The following RBM12B variants were observed in gnomAD, a reference collection of about 807,000 sequenced individuals.
The protein encoded by RBM12B is RNA-binding protein 12B.
Under a neutral mutation model 34.3 loss-of-function variants are expected in RBM12B, and 10 were observed. The observed-to-expected ratio is 0.29, with a 90% CI of 0.18 to 0.49. RBM12B has a LOEUF of 0.49. RBM12B is among the 20% of genes least tolerant of loss of function. The pLI is 0.99. For missense variants in RBM12B, 1,139 were observed against 1,262.7 expected, an observed-to-expected ratio of 0.90 and a Z score of 1.48; for synonymous variants, 477 against 437.1, an observed-to-expected ratio of 1.09 and a Z score of -1.14.
chr8:93,735,663 A>C lies in RBM12B; in HGVS notation c.748T>G (p.Ser250Ala). The change falls in exon 4 of 4, where the codon TCT (serine) becomes GCT (alanine). Residue 250 changes from serine to alanine, a missense_variant. Ser to Ala is a moderately conservative substitution (Grantham distance 99). This residue lies in a region of RBM12B where 863 missense variants were observed against 869.5 expected (regional missense o/e 0.99). Transcript: ENST00000520560. ...AVKEGDVLRR[S>A]EEHSPPRGIN... The stretch of plus-strand genomic sequence containing the variant: ...CCTCTTGGTGGAGAATGTTCTTCAG[A>C]TCTCCTAAGAACGTCACCCTCCTTA... The C allele has an allele frequency of 1.2e-6, 2 of 1,614,060 alleles. No homozygotes were observed. The highest frequency in any genetic ancestry group is 1.3e-5 in the African/African-American group (1 of 75,012).
rs201265625 is a variant in RBM12B, at chr8:93,734,591, G to A, written c.1820C>T (p.Pro607Leu). Residue 607 changes from proline (P) to leucine (L), a missense_variant, in exon 4 of 4, where the codon CCG (proline) becomes CTG (leucine). Coordinates refer to ENST00000520560, the MANE Select transcript of RBM12B (RefSeq NM_001377960.1). ...CCTAGGGTGCCTGAAGTCATCCTCC[G>A]GAGGGCGCCTGAAATCTTCCTCCCA... Reference protein sequence around the residue: ...RPWEEDFRRPPEDDFRHPREE... With the variant: ...RPWEEDFRRPLEDDFRHPREE... 1.7e-4 allele frequency: 270 copies of A among 1,612,978 alleles called. No individual in the cohort carries two copies. Among genetic ancestry groups the A allele is most frequent in the Non-Finnish European group, 2.0e-4 (238 of 1,179,692 alleles).
chr8:93,730,719 G>A lies in RBM12B; in HGVS notation c.*2686C>T, dbSNP rs989511145. ...AATTTGTTATTGACATATCACTAAA[G>A]GCAGAGTTGGAGAGAGATGTGCAAA... On this transcript the variant is annotated 3_prime_UTR_variant, in exon 4 of 4. Transcript: ENST00000520560. 6.7e-6 allele frequency: 1 copy of A among 150,156 alleles called. No individual in the cohort carries two copies. The highest frequency in any genetic ancestry group is 1.5e-5 in the Non-Finnish European group (1 of 67,482). The allele number at this position is 150,156 out of a possible 1,614,324, so 9.3% of individuals were successfully genotyped here.
In RBM12B at chr8:93,735,592, G is replaced by A; in HGVS notation, c.819C>T (p.Pro273=). 6.2e-7 allele frequency: 1 copy of A among 1,614,040 alleles called. No homozygotes were observed. The highest frequency in any genetic ancestry group is 1.1e-5 in the South Asian group (1 of 91,080). ...HFRKRSHSKS[P]RRTRSRSPLG... Reference sequence around the variant, plus strand: ...GAGGGGAACGAGAACGTGTTCTTCTGGGAGATTTTGAATGAGACCGTTTTC... The same window carrying A: ...GAGGGGAACGAGAACGTGTTCTTCTAGGAGATTTTGAATGAGACCGTTTTC... The change falls in exon 4 of 4, where the codon CCC becomes CCT. Residue 273 remains proline (P), a synonymous_variant. Transcript: ENST00000520560.
chr8:93,735,312 T>C lies in RBM12B; in HGVS notation c.1099A>G (p.Ile367Val), dbSNP rs970700951. The change falls in exon 4 of 4, where the codon ATT (isoleucine) becomes GTT (valine). Residue 367 changes from isoleucine (I) to valine (V), a missense_variant. Ile to Val is a conservative substitution (Grantham distance 29). Around this residue, in one of 3 missense-constraint regions of RBM12B, gnomAD observed 863 missense variants for 869.5 expected, o/e 0.99. Transcript: ENST00000520560. The stretch of plus-strand genomic sequence containing the variant: ...GATCTCTTCTTTTCATAACGTGCAA[T>C]GAACTTCAGCATTTGTTTTCTAGAA... The part of the protein sequence containing the change: ...PISRKQMLKF[I>V]ARYEKKRSGS... The C allele has an allele frequency of 6.2e-7, 1 of 1,614,076 alleles. No homozygotes were observed. The highest frequency in any genetic ancestry group is 8.5e-7 in the Non-Finnish European group (1 of 1,180,028).
Position 93,734,855 on chromosome 8 carries a change from T to TAA in RBM12B, c.1555_1556insTT (p.Tyr519PhefsTer14). 6.2e-7 allele frequency: 1 copy of TAA among 1,614,064 alleles called. No individual in the cohort carries two copies. ...AAAGTTTTCAAAAGCACCAACTGAG[T>TAA]ATATTGGTGGGTCTTTTGAGTCAAA... On this transcript the variant is annotated frameshift_variant, in exon 4 of 4. Coordinates refer to ENST00000520560, the MANE Select transcript of RBM12B (RefSeq NM_001377960.1). LOFTEE classifies it low-confidence loss of function (END_TRUNC).
At chr8:93,738,216 C>T (rs895177000) in intron 2 of RBM12B, among the ~76,000 whole-genome samples, 1 of 152,130 alleles carries the variant, frequency 6.6e-6, no homozygotes, top group East Asian at 1.9e-4. Context: ...ACAGAAAATG[C>T]TATTTATCTT....
chr8:93,735,272 C>A lies in RBM12B; in HGVS notation c.1139G>T (p.Arg380Ile), dbSNP rs1811978832. The A allele has an allele frequency of 6.2e-7, 1 of 1,614,028 alleles. No individual in the cohort carries two copies. The highest frequency in any genetic ancestry group is 1.7e-5 in the Admixed American group (1 of 60,020). Residue 380 changes from arginine to isoleucine, a missense_variant, in exon 4 of 4, where the codon AGA (arginine) becomes ATA (isoleucine). Physicochemically the swap from Arg to Ile is moderately conservative, Grantham distance 97. Coordinates refer to ENST00000520560, the MANE Select transcript of RBM12B (RefSeq NM_001377960.1). ...YEKKRSGSLERDRPGHVSQKY... is the reference protein window; with the variant it reads ...YEKKRSGSLEIDRPGHVSQKY... ...TTGTGAAACATGTCCGGGCCTATCT[C>A]TCTCTAGTGACCCTGATCTCTTCTT... is the stretch of plus-strand genomic sequence containing the variant.
Position 93,735,830 on chromosome 8 carries a change from T to C in RBM12B, c.581A>G (p.Asn194Ser). ...AGCAAATTTTACTATGGCATCACCA[T>C]TATTTCGGCCATCATGATGTTTTAA... ...IFLKHHDGRNNGDAIVKFASC... is the reference protein window; with the variant it reads ...IFLKHHDGRNSGDAIVKFASC... Residue 194 changes from asparagine (N) to serine (S), a missense_variant, in exon 4 of 4, where the codon AAT (asparagine) becomes AGT (serine). By Grantham distance (46) the Asn-to-Ser change is conservative. Transcript: ENST00000520560. The C allele has an allele frequency of 1.2e-6, 2 of 1,614,070 alleles. No homozygotes were observed. Among genetic ancestry groups the C allele is most frequent in the African/African-American group, 1.3e-5 (1 of 75,036 alleles).
At chr8:93,739,399 G>A (rs1392143856) in intron 2 of RBM12B, among the ~76,000 whole-genome samples, 1 of 152,138 alleles carries the variant, frequency 6.6e-6, no homozygotes, top group Non-Finnish European at 1.5e-5. Context: ...AATTCAAGCA[G>A]ACTATTTAGA....
Position 93,736,261 on chromosome 8 carries a change from A to C in RBM12B, c.150T>G (p.Asp50Glu). The change falls in exon 4 of 4, where the codon GAT (aspartate) becomes GAG (glutamate). Residue 50 changes from aspartate to glutamate, a missense_variant. Asp to Glu is a conservative substitution (Grantham distance 45). Around this residue, in one of 3 missense-constraint regions of RBM12B, gnomAD observed 216 missense variants for 292.2 expected, o/e 0.74. Coordinates refer to ENST00000520560, the MANE Select transcript of RBM12B (RefSeq NM_001377960.1). ...IGEAFIIFAT[D>E]EDARRAISRS... ...GACTTATGGCACGTCTTGCATCTTC[A>C]TCTGTTGCAAAAATAATAAAAGCCT... 6.2e-7 allele frequency: 1 copy of C among 1,614,168 alleles called. No homozygotes were observed. Among genetic ancestry groups the C allele is most frequent in the Non-Finnish European group, 8.5e-7 (1 of 1,180,024 alleles).
chr8:93,735,207 T>A lies in RBM12B; in HGVS notation c.1204A>T (p.Ile402Phe), dbSNP rs760080537. The A allele has an allele frequency of 8.7e-6, 14 of 1,614,010 alleles. No individual in the cohort carries two copies. The highest frequency in any genetic ancestry group is 1.1e-5 in the Non-Finnish European group (13 of 1,180,050). Residue 402 changes from isoleucine (I) to phenylalanine (F), a missense_variant, in exon 4 of 4, where the codon ATC (isoleucine) becomes TTC (phenylalanine). Ile to Phe is a conservative substitution (Grantham distance 21). This residue lies in a region of RBM12B where 863 missense variants were observed against 869.5 expected (regional missense o/e 0.99). Transcript: ENST00000520560. The stretch of plus-strand genomic sequence containing the variant: ...TCAAATGGAAAATTTCTTATATAGA[T>A]GCACAGTTTCTGGCCAGAGTTACCT... ...QEGNSGQKLC[I>F]YIRNFPFDVT...
chr8:93,736,960 C>T (rs1812039552), intron 3 of RBM12B, among the ~76,000 whole-genome samples: 1 of 152,200 alleles, frequency 6.6e-6, no homozygotes, highest in Non-Finnish European at 1.5e-5. Flanking sequence ...TAATTCCAGG[C>T]TTTGCAAGGC....
At position 93,731,894 on chromosome 8, in the gene RBM12B, T is replaced by C. The variant is rs535974094; in HGVS notation, c.*1511A>G. 6.5e-6 allele frequency: 1 copy of C among 152,744 alleles called. No homozygotes were observed. Among genetic ancestry groups the C allele is most frequent in the South Asian group, 2.1e-4 (1 of 4,826 alleles). 9.5% of individuals were successfully genotyped at this position (152,744 alleles called of 1,614,324 possible). ...AAAGAAACTTTTAAAGTCACTCTTT[T>C]TTTTTTTATTAGTAATGTTAATGTT... is the stretch of plus-strand genomic sequence containing the variant. On this transcript the variant is annotated 3_prime_UTR_variant, in exon 4 of 4. Transcript: ENST00000520560.
chr8:93,736,575 T>C, intron 3 of RBM12B, 137 bp from the exon 4 acceptor site: 1 of 615,104 alleles, frequency 1.6e-6, no homozygotes, highest in South Asian at 3.7e-5. Context: ...ACAAAAATAC[T>C]GATCATATCT....
chr8:93,734,552 C>A lies in RBM12B; in HGVS notation c.1859G>T (p.Arg620Met). Residue 620 changes from arginine to methionine, a missense_variant, in exon 4 of 4, where the codon AGG becomes ATG. Coordinates refer to ENST00000520560, the MANE Select transcript of RBM12B (RefSeq NM_001377960.1). ...DFRHPREEDW[R>M]RPLEEDWRRP... ...CCTCCAGTCCTCCTCAAGGGGCCTC[C>A]TCCAGTCCTCCTCCCTAGGGTGCCT... 2 of 1,613,718 alleles carry A rather than the reference C, an allele frequency of 1.2e-6. No individual in the cohort carries two copies. The highest frequency in any genetic ancestry group is 1.7e-6 in the Non-Finnish European group (2 of 1,179,894).
At chr8:93,739,640 C>T (rs1211989414) in intron 2 of RBM12B, among the ~76,000 whole-genome samples, 1 of 152,162 alleles carries the variant, frequency 6.6e-6, no homozygotes, top group Non-Finnish European at 1.5e-5. Context: ...AAAAGCAAAA[C>T]ACGAAAATTA....
chr8:93,737,807 C>CAAAA (rs78204688), intron 2 of RBM12B, among the ~76,000 whole-genome samples: 7 of 100,604 alleles, frequency 7.0e-5, no homozygotes, highest in Non-Finnish European at 1.4e-4. Flanking sequence ...ACCCAAAGTT[C>CAAAA]AAAAAAAAAA....
chr8:93,733,517 G>A lies in RBM12B; in HGVS notation c.2894C>T (p.Pro965Leu). The change falls in exon 4 of 4, where the codon CCT (proline) becomes CTT (leucine). Residue 965 changes from proline to leucine, a missense_variant. Coordinates refer to ENST00000520560, the MANE Select transcript of RBM12B (RefSeq NM_001377960.1). ...CATAGCAACAATGGCTTCCCCTGTA[G>A]GTAAGCCTTGCTCATTATACTGTAT... ...VSIQYNEQGL[P>L]TGEAIVAMIN... 1 of 1,612,024 alleles carries A rather than the reference G, an allele frequency of 6.2e-7. No homozygotes were observed. Among genetic ancestry groups the A allele is most frequent in the East Asian group, 2.2e-5 (1 of 44,822 alleles).
Position 93,734,083 on chromosome 8 carries a change from C to G in RBM12B, c.2328G>C (p.Pro776=). 6.4e-7 allele frequency: 1 copy of G among 1,563,162 alleles called. No homozygotes were observed. The highest frequency in any genetic ancestry group is 8.6e-7 in the Non-Finnish European group (1 of 1,158,292). The change falls in exon 4 of 4, where the codon CCG becomes CCC. Residue 776 remains proline (P), a synonymous_variant. Transcript: ENST00000520560. ...PPPEHFRRPP[P]EHFRRPPQEH... ...CCTGGGGCGGTCTCCGGAAGTGCTCCGGGGGCGGGCGCCTGAAATGCTCTG... is the reference window on the plus strand; with the variant it reads ...CCTGGGGCGGTCTCCGGAAGTGCTCGGGGGGCGGGCGCCTGAAATGCTCTG...
Sources: allele counts gnomAD v4.1 joint callset (sites outside exome capture counted in the v4.1 genomes callset), GRCh38; gene constraint gnomAD v4.1.1; regional missense constraint gnomAD v4.1.1; transcripts MANE v1.5; gene names NCBI Gene and HGNC (gene_info 2026-07-23, HGNC 2026-07-21).